The following SCN8A variants were observed in gnomAD, a reference collection of about 807,000 sequenced individuals.
SCN8A encodes sodium voltage-gated channel alpha subunit 8, also known as sodium channel protein type 8 subunit alpha.
In SCN8A, 30 loss-of-function variants were observed where a neutral mutation model predicts 184.1. That is an observed-to-expected ratio of 0.16 (90% CI 0.12 to 0.22). The LOEUF is 0.22. Among genes scored for constraint, SCN8A ranks in the 10% least tolerant of loss-of-function variants. The probability of loss-of-function intolerance (pLI) is 1.00; values close to 1 mark genes in which losing one functional copy is unlikely to be tolerated. For missense variants in SCN8A, 1,057 were observed against 2,498.9 expected (o/e 0.42, Z 12.30); for synonymous variants, 852 against 907.0 (o/e 0.94, Z 1.09).
intron 2 of SCN8A, among the ~76,000 whole-genome samples, chr12:51,677,190 C>T (rs1039243700): frequency 6.6e-6 from 1 of 151,864 alleles, no homozygotes; most frequent in Non-Finnish European, 1.5e-5. Context: ...CTCAAACGAT[C>T]TTCCCACCTC....
chr12:51,741,204 A>G (rs897926966), intron 12 of SCN8A, among the ~76,000 whole-genome samples: 3 of 152,196 alleles, frequency 2.0e-5, no homozygotes, highest in Non-Finnish European at 4.4e-5. Context: ...CTTTATCATT[A>G]TGTACTAGCG....
intron 12 of SCN8A, chr12:51,723,159 A>T (rs958586484): frequency 6.6e-6 from 1 of 152,166 alleles, no homozygotes; most frequent in African/African-American, 2.4e-5. Context: ...TGTGTTTGGG[A>T]TTGTCTAGTC....
chr12:51,612,429 A>G (rs973394995), intron 1 of SCN8A, among the ~76,000 whole-genome samples: 2 of 152,158 alleles, frequency 1.3e-5, no homozygotes, highest in Non-Finnish European at 2.9e-5. Flanking sequence ...CTACCAAAGT[A>G]CTGGATTACA....
chr12:51,598,904 C>A (rs1939405515), intron 1 of SCN8A, among the ~76,000 whole-genome samples: 1 of 152,062 alleles, frequency 6.6e-6, no homozygotes, highest in African/African-American at 2.4e-5. Flanking sequence ...ACCCCTTTTC[C>A]TTAAGAAATA....
chr12:51,711,410 T>G (rs1367004847), intron 11 of SCN8A, among the ~76,000 whole-genome samples: 1 of 152,246 alleles, frequency 6.6e-6, no homozygotes, highest in Non-Finnish European at 1.5e-5. Flanking sequence ...GATAGTAGTA[T>G]TCTTTGTCCC....
At chr12:51,773,993 A>G (rs892414736) in intron 19 of SCN8A, among the ~76,000 whole-genome samples, 196 bp from the exon 20 acceptor site, 7 of 152,316 alleles carry the variant, frequency 4.6e-5, no homozygotes, top group African/African-American at 1.7e-4. Context: ...AAATGGCTGA[A>G]TTTTATGATG....
chr12:51,811,184 A>G lies in SCN8A; in HGVS notation c.*3755A>G, dbSNP rs1474433796. The G allele has an allele frequency of 6.6e-6, 1 of 152,106 alleles. No individual in the cohort carries two copies. Among genetic ancestry groups the G allele is most frequent in the African/African-American group, 2.4e-5 (1 of 41,388 alleles). 9.4% of individuals were successfully genotyped at this position (152,106 alleles called of 1,614,324 possible). A position where few individuals can be genotyped will look rare whatever the true frequency, so the allele number is the denominator to read the frequency against. On this transcript the variant is annotated 3_prime_UTR_variant, in exon 27 of 27. Coordinates refer to ENST00000627620, the MANE Select transcript of SCN8A (RefSeq NM_001330260.2). ...GGAGGGGTCTGGGAATTGGGACCTT[A>G]GCACATTTGGGGAAAGGAGGGGAAT...
chr12:51,613,183 A>C (rs975511727), intron 1 of SCN8A, among the ~76,000 whole-genome samples: 1 of 152,244 alleles, frequency 6.6e-6, no homozygotes, highest in African/African-American at 2.4e-5. Context: ...TAACATTAAA[A>C]AAATATTTTC....
At chr12:51,675,546 C>A (rs1276873049) in intron 2 of SCN8A, among the ~76,000 whole-genome samples, 1 of 152,132 alleles carries the variant, frequency 6.6e-6, no homozygotes, top group Non-Finnish European at 1.5e-5. Flanking sequence ...ACCAGATGAC[C>A]TGGTGCAGTA....
chr12:51,634,485 A>G (rs894940880), intron 1 of SCN8A, among the ~76,000 whole-genome samples: 3 of 152,178 alleles, frequency 2.0e-5, no homozygotes, highest in African/African-American at 7.2e-5. Context: ...CAAAATGCAT[A>G]TGGAATATGA....
chr12:51,619,102 TAA>T (rs1307020659), intron 1 of SCN8A, among the ~76,000 whole-genome samples: 3 of 152,152 alleles, frequency 2.0e-5, no homozygotes, highest in Non-Finnish European at 2.9e-5. Context: ...GGAATATGGA[TAA>T]GTGTGCATAT....
intron 11 of SCN8A, among the ~76,000 whole-genome samples, chr12:51,709,334 A>G (rs1231643493): frequency 1.3e-5 from 2 of 152,220 alleles, no homozygotes; most frequent in Non-Finnish European, 2.9e-5. Flanking sequence ...TTACTCAAAG[A>G]GAATGTGTCA....
intron 26 of SCN8A, among the ~76,000 whole-genome samples, chr12:51,798,610 AC>A (rs1938474237): frequency 6.6e-6 from 1 of 151,964 alleles, no homozygotes; most frequent in African/African-American, 2.4e-5. Context: ...CCCATGCGTA[AC>A]CTCCATCCCT....
chr12:51,727,889 G>A (rs1460349739), intron 12 of SCN8A, among the ~76,000 whole-genome samples: 1 of 152,102 alleles, frequency 6.6e-6, no homozygotes, highest in Non-Finnish European at 1.5e-5. Flanking sequence ...GGCAGAGGTT[G>A]TAGTGAGTGA....
rs78180173 is a variant in SCN8A, at chr12:51,792,151, G to A, written c.4524+1649G>A. On this transcript the variant is annotated intron_variant, in intron 25 of 26. Coordinates refer to ENST00000627620, the MANE Select transcript of SCN8A (RefSeq NM_001330260.2). ...GTGGTGGATCTACTTTAATATAGTA[G>A]TCAGAGAAAGCCTCACTAAGGAGGG... 3.1e-3 allele frequency among the ~76,000 whole-genome samples: 466 copies of A among 152,092 alleles called. 2 individuals carry two copies. Among genetic ancestry groups the A allele is most frequent in the African/African-American group, 0.011 (440 of 41,488 alleles).
In SCN8A at chr12:51,784,426, G is replaced by A. The variant is rs369119855; in HGVS notation, c.3943-2116G>A. Reference sequence around the variant, plus strand: ...AAAAATTAGCTGGGCACGGTAGCACGCACCTGTAGTCCCAGTTACTCGGGA... The same window carrying A: ...AAAAATTAGCTGGGCACGGTAGCACACACCTGTAGTCCCAGTTACTCGGGA... On this transcript the variant is annotated intron_variant, in intron 21 of 26. Transcript: ENST00000627620. Among the ~76,000 whole-genome samples, 199 of 152,048 alleles carry A rather than the reference G, an allele frequency of 1.3e-3. 2 individuals carry two copies. Among genetic ancestry groups the A allele is most frequent in the Middle Eastern group, 0.01 (3 of 294 alleles).
rs2138712880 is a variant in SCN8A at position 51,687,071 on chromosome 12, G to A, written c.486-20G>A. On this transcript the variant is annotated intron_variant, in intron 4 of 26. Transcript: ENST00000627620. ...AGTTTCTGTCCAGAAATTACCTCAA[G>A]CTATTCATTTCTTTGACAGGTACAC... 1 of 1,612,698 alleles carries A rather than the reference G, an allele frequency of 6.2e-7. No homozygotes were observed. Among genetic ancestry groups the A allele is most frequent in the Non-Finnish European group, 8.5e-7 (1 of 1,179,094 alleles).
intron 11 of SCN8A, among the ~76,000 whole-genome samples, chr12:51,717,984 C>T (rs992020843): frequency 1.3e-5 from 2 of 152,100 alleles, no homozygotes; most frequent in Admixed American, 6.5e-5. Context: ...CTACATAACA[C>T]GTGAAAGATA....
chr12:51,658,209 A>G (rs1249409871), intron 1 of SCN8A, among the ~76,000 whole-genome samples: 1 of 152,058 alleles, frequency 6.6e-6, no homozygotes, highest in African/African-American at 2.4e-5. Context: ...TTTTGGTAGT[A>G]TGGTTATTTT....
Sources: allele counts gnomAD v4.1 joint callset (sites outside exome capture counted in the v4.1 genomes callset), GRCh38; gene constraint gnomAD v4.1.1; transcripts MANE v1.5; gene names NCBI Gene and HGNC (gene_info 2026-07-23, HGNC 2026-07-21).